OIP5: variants seen among roughly 807,000 people sequenced by gnomAD.
OIP5 encodes the protein Opa interacting protein 5, also known as protein Mis18-beta.
A neutral mutation model predicts 20.3 loss-of-function variants in OIP5; 24 were observed. The ratio of observed to expected loss-of-function variants is 1.18; its 90% CI spans 0.86 to 1.66. The LOEUF (loss-of-function observed/expected upper bound fraction) is 1.66, where lower values mean the gene tolerates loss of function less well. Among genes scored for constraint, OIP5 ranks in the 40% most tolerant of loss-of-function variants. The pLI, the probability that OIP5 is intolerant of heterozygous loss-of-function variation, is 0.00. For synonymous variants in OIP5, 143 were observed against 121.3 expected, an observed-to-expected ratio of 1.18 and a Z score of -1.17; for missense variants, 339 against 289.5, an observed-to-expected ratio of 1.17 and a Z score of -1.24.
chr15:41,321,008 G>C (rs1461832353), intron 2 of OIP5, among the ~76,000 whole-genome samples: 2 of 150,854 alleles, frequency 1.3e-5, no homozygotes, highest in Non-Finnish European at 3.0e-5. Flanking sequence ...GTCTCTGCCC[G>C]GCTGCCCCAT....
At chr15:41,327,412 C>T (rs1038738349) in intron 2 of OIP5, among the ~76,000 whole-genome samples, 2 of 151,856 alleles carry the variant, frequency 1.3e-5, no homozygotes, top group Non-Finnish European at 2.9e-5. Context: ...CTCCTGACCT[C>T]GTGATCCTCC....
intron 2 of OIP5, among the ~76,000 whole-genome samples, chr15:41,322,919 G>C (rs2140464021): frequency 6.6e-6 from 1 of 151,124 alleles, no homozygotes; most frequent in African/African-American, 2.4e-5. Context: ...TGGGCAACAA[G>C]AGCGAAACTC....
At chr15:41,310,820 C>T (rs926002875) in intron 4 of OIP5, among the ~76,000 whole-genome samples, 1 of 152,120 alleles carries the variant, frequency 6.6e-6, no homozygotes, top group African/African-American at 2.4e-5. Flanking sequence ...GTAACAAATG[C>T]CTCTCTGACT....
chr15:41,317,347 TG>T (rs1255624782), intron 3 of OIP5, among the ~76,000 whole-genome samples: 2 of 151,950 alleles, frequency 1.3e-5, no homozygotes, highest in Non-Finnish European at 2.9e-5. Flanking sequence ...GGTAGAAAAC[TG>T]GTTGGCTTAG....
intron 3 of OIP5, among the ~76,000 whole-genome samples, chr15:41,317,472 C>T (rs2047795299): frequency 6.6e-6 from 1 of 151,752 alleles, no homozygotes; most frequent in Non-Finnish European, 1.5e-5. Context: ...CTCTGACTCC[C>T]CGGTTCAAGT....
At chr15:41,315,815 C>T (rs2047785649) in intron 3 of OIP5, among the ~76,000 whole-genome samples, 1 of 151,938 alleles carries the variant, frequency 6.6e-6, no homozygotes, top group Non-Finnish European at 1.5e-5. Context: ...AGTTTTTTTT[C>T]CCACTTTAAA....
intron 4 of OIP5, 51 bp from the exon 5 acceptor site, chr15:41,309,900 ATT>A: frequency 7.7e-7 from 1 of 1,302,224 alleles, no homozygotes. Context: ...ATTTTTACTT[ATT>A]TTAAGAGACA....
intron 2 of OIP5, among the ~76,000 whole-genome samples, chr15:41,320,706 C>A (rs1402129575): frequency 6.6e-6 from 1 of 152,180 alleles, no homozygotes. Flanking sequence ...AGCCGCCACC[C>A]CGTCTGGGAA....
chr15:41,331,297 G>T (rs933597838), intron 2 of OIP5, among the ~76,000 whole-genome samples: 3 of 152,204 alleles, frequency 2.0e-5, no homozygotes, highest in African/African-American at 7.2e-5. Flanking sequence ...CATTCTAGTT[G>T]TGTTTTTCTC....
chr15:41,316,679 A>AC (rs2047790486), intron 3 of OIP5, among the ~76,000 whole-genome samples: 1 of 150,260 alleles, frequency 6.7e-6, no homozygotes, highest in African/African-American at 2.5e-5. Context: ...AGTTCCAGCT[A>AC]CTTGGGAGGC....
intron 2 of OIP5, among the ~76,000 whole-genome samples, chr15:41,320,413 G>A (rs937665613): frequency 4.6e-4 from 68 of 146,700 alleles, no homozygotes; most frequent in Non-Finnish European, 5.6e-4. Context: ...GAGTGCCTGC[G>A]ATTGCAGGCA....
chr15:41,319,749 C>A lies in OIP5; in HGVS notation c.421G>T (p.Gly141Trp). Residue 141 changes from glycine (G) to tryptophan (W), a missense_variant, in exon 3 of 5, where the codon GGG becomes TGG. Transcript: ENST00000220514. ...TYNLLFCGSCGIPVGFHLYST... is the reference protein window; with the variant it reads ...TYNLLFCGSCWIPVGFHLYST... Reference sequence around the variant, plus strand: ...TACAGATGGAAACCAACGGGAATCCCACAAGAACCACAGAATAAAAGGTTG... The same window carrying A: ...TACAGATGGAAACCAACGGGAATCCAACAAGAACCACAGAATAAAAGGTTG... 3 of 1,613,298 alleles carry A rather than the reference C, an allele frequency of 1.9e-6. No individual in the cohort carries two copies. The highest frequency in any genetic ancestry group is 2.5e-6 in the Non-Finnish European group (3 of 1,179,568).
intron 3 of OIP5, among the ~76,000 whole-genome samples, chr15:41,319,310 C>T (rs146698000): frequency 6.6e-6 from 1 of 151,736 alleles, no homozygotes; most frequent in African/African-American, 2.4e-5. Flanking sequence ...CGTGATCTCA[C>T]AGTGGCGTGA....
intron 2 of OIP5, among the ~76,000 whole-genome samples, chr15:41,328,005 G>A (rs1008892044): frequency 3.9e-5 from 6 of 152,090 alleles, no homozygotes; most frequent in Admixed American, 2.6e-4. Context: ...GGAGGCTGAG[G>A]TGAAAGGATG....
In OIP5 at chr15:41,313,371, A is replaced by G. The variant is rs752734532; in HGVS notation, c.513-17T>C. 1.5e-6 allele frequency: 2 copies of G among 1,361,672 alleles called. No homozygotes were observed. The highest frequency in any genetic ancestry group is 2.1e-6 in the Non-Finnish European group (2 of 960,310). 84.3% of individuals were successfully genotyped at this position (1,361,672 alleles called of 1,614,324 possible). A position where few individuals can be genotyped will look rare whatever the true frequency, so the allele number is the denominator to read the frequency against. ...AAGAGATAGCTAGATAGGAAAAAAG[A>G]AAAATATTAGTGTCATACCATGGTT... On this transcript the variant is annotated splice_polypyrimidine_tract_variant and intron_variant, in intron 3 of 4. Transcript: ENST00000220514.
At chr15:41,322,634 C>T (rs1381906336) in intron 2 of OIP5, among the ~76,000 whole-genome samples, 2 of 151,976 alleles carry the variant, frequency 1.3e-5, no homozygotes, top group Non-Finnish European at 2.9e-5. Context: ...CAAAATACAA[C>T]ATAAAAATCA....
chr15:41,322,575 G>A (rs1177576976), intron 2 of OIP5, among the ~76,000 whole-genome samples: 1 of 151,514 alleles, frequency 6.6e-6, no homozygotes, highest in Non-Finnish European at 1.5e-5. Flanking sequence ...TTTTTTTTTG[G>A]CAGAAATGGG....
At chr15:41,322,987 G>C (rs1330727911) in intron 2 of OIP5, among the ~76,000 whole-genome samples, 1 of 151,826 alleles carries the variant, frequency 6.6e-6, no homozygotes, top group Non-Finnish European at 1.5e-5. Flanking sequence ...CATGTCAGTG[G>C]ATACTAAAAA....
In OIP5 at chr15:41,332,527, C is replaced by T. The variant is rs368459286; in HGVS notation, c.35G>A (p.Cys12Tyr). The T allele has an allele frequency of 1.2e-5, 20 of 1,611,280 alleles. No individual in the cohort carries two copies. The African/African-American group carries it at 1.6e-4, about 13-fold the overall frequency. The change falls in exon 1 of 5, where the codon TGT becomes TAT. Residue 12 changes from cysteine to tyrosine, a missense_variant. Physicochemically the swap from Cys to Tyr is radical, Grantham distance 194. Coordinates refer to ENST00000220514, the MANE Select transcript of OIP5 (RefSeq NM_007280.2). ...AAQPLRHRSRCATPPRGDFCG... is the reference protein window; with the variant it reads ...AAQPLRHRSRYATPPRGDFCG... ...AAAGTCCCCCCGGGGCGGCGTTGCACAACGTGAGCGATGCCGCAGCGGCTG... is the reference window on the plus strand; with the variant it reads ...AAAGTCCCCCCGGGGCGGCGTTGCATAACGTGAGCGATGCCGCAGCGGCTG...
Sources: allele counts gnomAD v4.1 joint callset (sites outside exome capture counted in the v4.1 genomes callset), GRCh38; gene constraint gnomAD v4.1.1; transcripts MANE v1.5; gene names NCBI Gene and HGNC (gene_info 2026-07-23, HGNC 2026-07-21).